The following DOCK5 variants were observed in gnomAD, a reference collection of about 807,000 sequenced individuals.
DOCK5 encodes dedicator of cytokinesis 5.
A neutral mutation model predicts 251.8 loss-of-function variants in DOCK5; 142 were observed. That is an observed-to-expected ratio of 0.56 (90% CI 0.49 to 0.65). DOCK5 has a LOEUF of 0.65. DOCK5 is among the 30% of genes least tolerant of loss of function. The probability of loss-of-function intolerance (pLI) is 0.00; values close to 1 mark genes in which losing one functional copy is unlikely to be tolerated. For missense variants in DOCK5, 2,111 were observed against 2,312.3 expected (o/e 0.91, Z 1.79); for synonymous variants, 842 against 835.5 (o/e 1.01, Z -0.13).
intron 2 of DOCK5, among the ~76,000 whole-genome samples, chr8:25,262,636 C>A (rs1171744407): frequency 6.6e-6 from 1 of 152,120 alleles, no homozygotes; most frequent in Non-Finnish European, 1.5e-5. Context: ...TAACTCCTCT[C>A]GAATTCTGAG....
At chr8:25,316,706 C>T (rs1371898622) in intron 13 of DOCK5, among the ~76,000 whole-genome samples, 1 of 152,194 alleles carries the variant, frequency 6.6e-6, no homozygotes, top group East Asian at 1.9e-4. Flanking sequence ...GAAAAACCGT[C>T]TGCCACTGTA....
intron 44 of DOCK5, among the ~76,000 whole-genome samples, 185 bp from the exon 45 acceptor site, chr8:25,395,358 G>A (rs944524769): frequency 1.3e-5 from 2 of 152,094 alleles, no homozygotes; most frequent in African/African-American, 4.8e-5. Flanking sequence ...TTCCTAATAG[G>A]CCACGGACTG....
At chr8:25,384,447 A>T (rs1242742270) in intron 40 of DOCK5, among the ~76,000 whole-genome samples, 2 of 25,276 alleles carry the variant, frequency 7.9e-5, no homozygotes, top group South Asian at 1.1e-3. Context: ...TTATTTATTT[A>T]TTTATTTATT....
At chr8:25,402,940 T>TA (rs1181395858) in intron 47 of DOCK5, among the ~76,000 whole-genome samples, 1 of 152,212 alleles carries the variant, frequency 6.6e-6, no homozygotes, top group East Asian at 1.9e-4. Flanking sequence ...TTGTGCCTCC[T>TA]AACCTGCTGC....
chr8:25,404,322 CTT>C (rs1801488448), intron 48 of DOCK5, among the ~76,000 whole-genome samples: 2 of 152,168 alleles, frequency 1.3e-5, no homozygotes, highest in South Asian at 4.1e-4. Context: ...AAAGCCCCCT[CTT>C]TATGCTTTCT....
chr8:25,379,111 G>T (rs1266250366), intron 38 of DOCK5, among the ~76,000 whole-genome samples: 3 of 152,176 alleles, frequency 2.0e-5, no homozygotes, highest in South Asian at 2.1e-4. Flanking sequence ...CCTGAAGAGG[G>T]TCTATGTTCA....
chr8:25,376,172 G>A (rs1042504549), intron 37 of DOCK5: 18 of 983,470 alleles, frequency 1.8e-5, no homozygotes, highest in African/African-American at 5.3e-5. Context: ...TGTGGATTTC[G>A]CCATTGTATG....
chr8:25,231,669 C>T (rs1802672264), intron 1 of DOCK5, among the ~76,000 whole-genome samples: 1 of 152,034 alleles, frequency 6.6e-6, no homozygotes, highest in Admixed American at 6.6e-5. Context: ...AATTAATATG[C>T]CTTTTATTTC....
At chr8:25,198,667 G>A (rs968616060) in intron 1 of DOCK5, among the ~76,000 whole-genome samples, 1 of 152,042 alleles carries the variant, frequency 6.6e-6, no homozygotes, top group East Asian at 1.9e-4. Flanking sequence ...ATTAAGAGCC[G>A]GAGTTTGTAA....
rs200733227 is a variant in DOCK5, at chr8:25,317,163, A to G, written c.1443+32A>G. ...GGCATGGCCCAGAAATCCTGCTACCATCGCATCCGTCTTTACAATCACGAT... is the reference window on the plus strand; with the variant it reads ...GGCATGGCCCAGAAATCCTGCTACCGTCGCATCCGTCTTTACAATCACGAT... On this transcript the variant is annotated intron_variant, in intron 14 of 51. Coordinates refer to ENST00000276440, the MANE Select transcript of DOCK5 (RefSeq NM_024940.8). 5.6e-6 allele frequency: 9 copies of G among 1,607,236 alleles called. No homozygotes were observed. In the East Asian group the frequency reaches 8.9e-5, roughly 16 times the overall value.
At chr8:25,379,776 C>A (rs1801031228) in intron 38 of DOCK5, among the ~76,000 whole-genome samples, 1 of 152,010 alleles carries the variant, frequency 6.6e-6, no homozygotes, top group South Asian at 2.1e-4. Context: ...CATTCGGGGT[C>A]CCTGACTTCC....
In DOCK5 at chr8:25,413,287, T is replaced by C. The variant is rs952759102; in HGVS notation, c.*1989T>C. 6.6e-6 allele frequency: 1 copy of C among 152,174 alleles called. No homozygotes were observed. Among genetic ancestry groups the C allele is most frequent in the African/African-American group, 2.4e-5 (1 of 41,436 alleles). The allele number at this position is 152,174 out of a possible 1,614,324, so 9.4% of individuals were successfully genotyped here. On this transcript the variant is annotated 3_prime_UTR_variant, in exon 52 of 52. Coordinates refer to ENST00000276440, the MANE Select transcript of DOCK5 (RefSeq NM_024940.8). ...GAGCATTACTCATACTTTTTTTTTC[T>C]TCCAAGGTAGTTTGGAATGTGAGTG...
intron 5 of DOCK5, among the ~76,000 whole-genome samples, chr8:25,279,201 G>A (rs1016820307): frequency 2.0e-5 from 3 of 152,070 alleles, no homozygotes; most frequent in Non-Finnish European, 4.4e-5. Flanking sequence ...ACCTTTTTGG[G>A]CAGACTCACA....
chr8:25,371,564 C>T (rs1364328026), intron 34 of DOCK5, among the ~76,000 whole-genome samples: 1 of 152,086 alleles, frequency 6.6e-6, no homozygotes, highest in Non-Finnish European at 1.5e-5. Context: ...GTGACAAGAC[C>T]TTTTATTGGT....
chr8:25,314,286 T>A (rs1365382127), intron 13 of DOCK5, among the ~76,000 whole-genome samples: 1 of 150,544 alleles, frequency 6.6e-6, no homozygotes, highest in African/African-American at 2.4e-5. Flanking sequence ...TAATTTAATT[T>A]TTTTTTTTTT....
At chr8:25,190,726 T>G (rs1047917513) in intron 1 of DOCK5, among the ~76,000 whole-genome samples, 5 of 149,612 alleles carry the variant, frequency 3.3e-5, no homozygotes, top group Non-Finnish European at 7.4e-5. Context: ...GTACCGGATA[T>G]TATATAATTA....
In DOCK5 at chr8:25,184,820, G is replaced by C. The variant is rs935823771; in HGVS notation, c.-89G>C. On this transcript the variant is annotated 5_prime_UTR_variant, in exon 1 of 52. Coordinates refer to ENST00000276440, the MANE Select transcript of DOCK5 (RefSeq NM_024940.8). The stretch of plus-strand genomic sequence containing the variant: ...TGGCGGAACATGGCGGAAGCGTCTG[G>C]GGCACGCAGGAGCGCGGGGCGGCGG... 5 of 1,178,736 alleles carry C rather than the reference G, an allele frequency of 4.2e-6. No individual in the cohort carries two copies. Among genetic ancestry groups the C allele is most frequent in the African/African-American group, 1.6e-5 (1 of 62,512 alleles). The allele number at this position is 1,178,736 out of a possible 1,614,324, so 73.0% of individuals were successfully genotyped here.
chr8:25,247,878 C>T (rs73673871), intron 2 of DOCK5, among the ~76,000 whole-genome samples: 11,504 of 152,148 alleles, frequency 0.076, 1,088 homozygotes, highest in African/African-American at 0.23. Flanking sequence ...AAATGGTTAA[C>T]TTCTTCAGTT....
In DOCK5 at chr8:25,414,441, A is replaced by G. The variant is rs1801678333; in HGVS notation, c.*3143A>G. On this transcript the variant is annotated 3_prime_UTR_variant, in exon 52 of 52. Coordinates refer to ENST00000276440, the MANE Select transcript of DOCK5 (RefSeq NM_024940.8). ...TCATTTTCTTCTGCCAAGGAAATCC[A>G]TTAAAAACTGCAGCCACACTGCAAT... 6.6e-6 allele frequency: 1 copy of G among 152,246 alleles called. No homozygotes were observed. The highest frequency in any genetic ancestry group is 6.5e-5 in the Admixed American group (1 of 15,282). 9.4% of individuals were successfully genotyped at this position (152,246 alleles called of 1,614,324 possible). A position where few individuals can be genotyped will look rare whatever the true frequency, so the allele number is the denominator to read the frequency against.
Sources: gnomAD v4.1 joint callset for allele counts (sites outside exome capture counted in the v4.1 genomes callset) on GRCh38, gnomAD v4.1.1 for gene constraint, MANE v1.5 for transcripts, NCBI Gene and HGNC (gene_info 2026-07-23, HGNC 2026-07-21) for gene names.